ZFR: variants seen among roughly 807,000 people sequenced by gnomAD.
ZFR encodes the protein zinc finger RNA-binding protein.
Under a neutral mutation model 130.7 loss-of-function variants are expected in ZFR, and 19 were observed. The ratio of observed to expected loss-of-function variants is 0.15; its 90% confidence interval spans 0.10 to 0.21. The LOEUF is 0.21. ZFR is among the 10% of genes least tolerant of loss of function. The pLI, the probability that ZFR is intolerant of heterozygous loss-of-function variation, is 1.00. For synonymous variants in ZFR, 466 were observed against 456.9 expected, an observed-to-expected ratio of 1.02 and a Z score of -0.25; for missense variants, 872 against 1,321.5, an observed-to-expected ratio of 0.66 and a Z score of 5.27.
rs532830497 is a variant in ZFR, at chr5:32,379,397, G to A, written c.2740-187C>T. ...TTTATGCCAGGGTTAGTATTTAAAA[G>A]CTGGTATTTAGGTCAAAGTAAACAG... On this transcript the variant is annotated intron_variant, in intron 16 of 19. Transcript: ENST00000265069. 1.6e-5 allele frequency: 10 copies of A among 628,318 alleles called. No individual in the cohort carries two copies. The African/African-American group carries it at 1.8e-4, about 12-fold the overall frequency. 38.9% of individuals were successfully genotyped at this position (628,318 alleles called of 1,614,324 possible). A position where few individuals can be genotyped will look rare whatever the true frequency, so the allele number is the denominator to read the frequency against.
chr5:32,383,792 C>T (rs1752982451), intron 15 of ZFR: 1 of 456,576 alleles, frequency 2.2e-6, no homozygotes, highest in Admixed American at 2.3e-5. Flanking sequence ...AAGCAATCTT[C>T]ATAATGAAGC....
At chr5:32,379,272 GA>G in intron 16 of ZFR, 62 bp from the exon 17 acceptor site, 1 of 1,437,214 alleles carries the variant, frequency 7.0e-7, no homozygotes, top group Non-Finnish European at 9.8e-7. Context: ...ATCCCTTGAT[GA>G]AAAAAAGTTA....
intron 17 of ZFR, among the ~76,000 whole-genome samples, chr5:32,376,708 G>C (rs1752819321): frequency 6.6e-6 from 1 of 151,720 alleles, no homozygotes; most frequent in South Asian, 2.1e-4. Context: ...TTTAATGCCA[G>C]GTACAGTGGG....
intron 17 of ZFR, among the ~76,000 whole-genome samples, chr5:32,367,468 A>ATAAATAAATAAATAAAG (rs1752573200): frequency 5.1e-3 from 1 of 198 alleles, no homozygotes; most frequent in Non-Finnish European, 0.012. Flanking sequence ...AATAAAGTAA[A>ATAAATAAATAAATAAAG]TAAATAAATA....
intron 1 of ZFR, 140 bp downstream of exon 1, chr5:32,444,482 T>G: frequency 1.6e-6 from 2 of 1,287,764 alleles, no homozygotes; most frequent in Non-Finnish European, 2.0e-6. Context: ...CCCTCCCGCC[T>G]CGCACTCCCT....
At chr5:32,393,345 A>T (rs1402756300) in intron 11 of ZFR, among the ~76,000 whole-genome samples, 20 of 146,046 alleles carry the variant, frequency 1.4e-4, no homozygotes, top group Admixed American at 1.2e-3. Flanking sequence ...TTAGTTTTAA[A>T]TTTTTTTTTT....
Position 32,387,568 on chromosome 5 carries a change from T to C in ZFR, c.2480A>G (p.Asn827Ser). The C allele has an allele frequency of 1.2e-6, 2 of 1,612,502 alleles. No homozygotes were observed. Among genetic ancestry groups the C allele is most frequent in the East Asian group, 2.2e-5 (1 of 44,790 alleles). Residue 827 changes from asparagine to serine, a missense_variant, in exon 14 of 20, where the codon AAC (asparagine) becomes AGC (serine). Coordinates refer to ENST00000265069, the MANE Select transcript of ZFR (RefSeq NM_016107.5). ...ACTTACAGCAAGCTGTTTGGGTAGG[T>C]TTTCTGCAATACGGCTTAATAATGT... ...SKTLLSRIAE[N>S]LPKQLAVISP...
chr5:32,400,344 A>C (rs1753421161), intron 8 of ZFR, 141 bp from the exon 9 acceptor site: 2 of 573,346 alleles, frequency 3.5e-6, no homozygotes, highest in South Asian at 8.0e-5. Flanking sequence ...AATTTTGAAG[A>C]ACTACATAAA....
chr5:32,386,318 T>C (rs1360839730), intron 14 of ZFR, among the ~76,000 whole-genome samples: 2 of 152,118 alleles, frequency 1.3e-5, no homozygotes, highest in Non-Finnish European at 2.9e-5. Context: ...GCTGGAAGAT[T>C]AAATGAATCA....
At chr5:32,393,406 C>T (rs976797569) in intron 11 of ZFR, among the ~76,000 whole-genome samples, 13 of 151,180 alleles carry the variant, frequency 8.6e-5, no homozygotes, top group Admixed American at 2.0e-4. Flanking sequence ...TATAATGGCG[C>T]GATCTCGCCT....
chr5:32,423,243 G>A (rs1353477254), intron 2 of ZFR, among the ~76,000 whole-genome samples: 1 of 152,050 alleles, frequency 6.6e-6, no homozygotes, highest in South Asian at 2.1e-4. Flanking sequence ...TGAGACAGGA[G>A]GATCACTTGA....
At chr5:32,359,054 T>C (rs1752373735) in intron 19 of ZFR, among the ~76,000 whole-genome samples, 1 of 152,028 alleles carries the variant, frequency 6.6e-6, no homozygotes, top group Admixed American at 6.6e-5. Flanking sequence ...GGGCATGGTG[T>C]CGCACATCTG....
chr5:32,359,765 A>G (rs776843190), intron 19 of ZFR, among the ~76,000 whole-genome samples: 2 of 152,154 alleles, frequency 1.3e-5, no homozygotes, highest in Non-Finnish European at 2.9e-5. Context: ...CCTGGCCAAC[A>G]TGGTGAAACC....
chr5:32,376,126 G>A (rs768764172), intron 17 of ZFR, among the ~76,000 whole-genome samples: 25 of 151,980 alleles, frequency 1.6e-4, no homozygotes, highest in Non-Finnish European at 7.4e-5. Context: ...ACAGGCATGA[G>A]CCACCATGCC....
chr5:32,408,011 G>C (rs1753615164), intron 5 of ZFR, among the ~76,000 whole-genome samples: 1 of 152,138 alleles, frequency 6.6e-6, no homozygotes, highest in Non-Finnish European at 1.5e-5. Flanking sequence ...CCCTTTAACA[G>C]AGTTCCAGAA....
intron 2 of ZFR, among the ~76,000 whole-genome samples, chr5:32,431,075 A>G (rs1269403190): frequency 1.3e-5 from 2 of 152,236 alleles, no homozygotes; most frequent in African/African-American, 4.8e-5. Flanking sequence ...ACCCTGTCTC[A>G]AAAAACGAAA....
chr5:32,434,036 C>T (rs1754278607), intron 2 of ZFR, among the ~76,000 whole-genome samples: 1 of 152,246 alleles, frequency 6.6e-6, no homozygotes, highest in Admixed American at 6.5e-5. Context: ...TGCCACTGCA[C>T]TCCAGCGTGG....
chr5:32,397,412 T>C, intron 9 of ZFR, 74 bp from the exon 10 acceptor site: 1 of 1,547,520 alleles, frequency 6.5e-7, no homozygotes, highest in South Asian at 1.2e-5. Flanking sequence ...ACATATTATT[T>C]GATGAAGTTG....
intron 19 of ZFR, among the ~76,000 whole-genome samples, chr5:32,361,961 G>A (rs1248624266): frequency 6.6e-6 from 1 of 152,088 alleles, no homozygotes; most frequent in Non-Finnish European, 1.5e-5. Context: ...GAATACTCCA[G>A]TAAGTAAAAC....
Sources: allele counts gnomAD v4.1 joint callset (sites outside exome capture counted in the v4.1 genomes callset), GRCh38; gene constraint gnomAD v4.1.1; transcripts MANE v1.5; gene names NCBI Gene and HGNC (gene_info 2026-07-23, HGNC 2026-07-21).